The following USH2A variants were observed in gnomAD, a reference collection of about 807,000 sequenced individuals.
The protein encoded by USH2A is Usher syndrome 2A (autosomal recessive, mild).
USH2A carries 443 observed loss-of-function variants against 538.9 expected under a neutral mutation model. That is an observed-to-expected ratio of 0.82 (90% confidence interval 0.76 to 0.89). The LOEUF is 0.89. USH2A is among the 40% of genes least tolerant of loss of function. The probability of loss-of-function intolerance (pLI) is 0.00; values close to 1 mark genes in which losing one functional copy is unlikely to be tolerated. For synonymous variants in USH2A, 2,413 were observed against 2,273.5 expected (o/e 1.06, Z -1.75); for missense variants, 6,633 against 6,324.8 (o/e 1.05, Z -1.65).
At chr1:216,189,382 C>T (rs1335323481) in intron 20 of USH2A, among the ~76,000 whole-genome samples, 2 of 151,858 alleles carry the variant, frequency 1.3e-5, no homozygotes, top group African/African-American at 2.4e-5. Context: ...ATCTGTAATT[C>T]ATCTAGAGTG....
In USH2A at chr1:215,721,075, T is replaced by C. The variant is rs564517544; in HGVS notation, c.12066+6955A>G. On this transcript the variant is annotated intron_variant, in intron 61 of 71. Transcript: ENST00000307340. Reference sequence around the variant, plus strand: ...TTAATTTAGACTGGAGTTTTTGTTGTTGTTGTTGTTGTTTTTTGAGACAGG... The same window carrying C: ...TTAATTTAGACTGGAGTTTTTGTTGCTGTTGTTGTTGTTTTTTGAGACAGG... 9.9e-5 allele frequency among the ~76,000 whole-genome samples: 15 copies of C among 152,036 alleles called. No individual in the cohort carries two copies. The South Asian group carries it at 2.7e-3, about 27-fold the overall frequency.
At chr1:216,229,257 A>G (rs1266677572) in intron 14 of USH2A, among the ~76,000 whole-genome samples, 2 of 151,328 alleles carry the variant, frequency 1.3e-5, no homozygotes, top group Non-Finnish European at 2.9e-5. Flanking sequence ...TCTATTTTCT[A>G]GACTCCAACC....
intron 21 of USH2A, among the ~76,000 whole-genome samples, chr1:216,149,407 C>T (rs112656688): frequency 4.6e-5 from 7 of 152,058 alleles, no homozygotes; most frequent in African/African-American, 1.2e-4. Context: ...TTCAGTGGAA[C>T]CTTCATACCC....
At chr1:215,729,045 C>T (rs550142581) in intron 60 of USH2A, among the ~76,000 whole-genome samples, 5 of 152,234 alleles carry the variant, frequency 3.3e-5, no homozygotes, top group South Asian at 2.1e-4. Context: ...CGAGTATGCT[C>T]GTAAACTCAC....
At chr1:216,213,663 T>C (rs1305516632) in intron 15 of USH2A, among the ~76,000 whole-genome samples, 3 of 151,940 alleles carry the variant, frequency 2.0e-5, no homozygotes, top group Non-Finnish European at 4.4e-5. Flanking sequence ...TTTTTTTTTT[T>C]CACATTGAGT....
intron 58 of USH2A, among the ~76,000 whole-genome samples, chr1:215,755,393 C>T (rs1660760550): frequency 6.6e-6 from 1 of 152,094 alleles, no homozygotes; most frequent in African/African-American, 2.4e-5. Context: ...TAAACAATCT[C>T]CACTTACAAA....
At chr1:215,890,294 C>T (rs1479576981) in intron 40 of USH2A, among the ~76,000 whole-genome samples, 1 of 152,104 alleles carries the variant, frequency 6.6e-6, no homozygotes, top group Admixed American at 6.6e-5. Flanking sequence ...TTTAAAACAG[C>T]GTTGATCTTG....
At chr1:216,256,907 A>T (rs935923291) in intron 11 of USH2A, among the ~76,000 whole-genome samples, 1 of 151,972 alleles carries the variant, frequency 6.6e-6, no homozygotes, top group Non-Finnish European at 1.5e-5. Flanking sequence ...TGTGCAGGGA[A>T]TCAGTGCCCC....
chr1:216,075,440 C>CT (rs2031712766), intron 27 of USH2A, among the ~76,000 whole-genome samples: 1 of 152,210 alleles, frequency 6.6e-6, no homozygotes, highest in Non-Finnish European at 1.5e-5. Flanking sequence ...TCTTACTCCA[C>CT]TACCCTTGTG....
In USH2A at chr1:216,323,484, T is replaced by C. The variant is rs2102652890; in HGVS notation, c.1540A>G (p.Ile514Val). Reference protein sequence around the residue: ...HRYYAVDEITISGRCQCHGHA... With the variant: ...HRYYAVDEITVSGRCQCHGHA... Reference sequence around the variant, plus strand: ...AATTCATAATAATACCTCCCACTAATGGTGATTTCGTCCACTGCATAATAT... The same window carrying C: ...AATTCATAATAATACCTCCCACTAACGGTGATTTCGTCCACTGCATAATAT... The change falls in exon 8 of 72, where the codon ATT (isoleucine) becomes GTT (valine). Residue 514 changes from isoleucine (I) to valine (V), a missense_variant. Transcript: ENST00000307340. 6.2e-7 allele frequency: 1 copy of C among 1,613,332 alleles called. No homozygotes were observed. The highest frequency in any genetic ancestry group is 2.2e-5 in the East Asian group (1 of 44,784).
At position 215,758,446 on chromosome 1, in the gene USH2A, G is replaced by C. The variant is rs1660876799; in HGVS notation, c.11389+149C>G. Reference sequence around the variant, plus strand: ...ATGTACTCATGCGTCTATACACTTAGAAGTGTGGTTTAGATTTTTCTGTTC... The same window carrying C: ...ATGTACTCATGCGTCTATACACTTACAAGTGTGGTTTAGATTTTTCTGTTC... On this transcript the variant is annotated intron_variant, in intron 58 of 71. Transcript: ENST00000307340. 5.6e-6 allele frequency: 5 copies of C among 896,226 alleles called. No individual in the cohort carries two copies. The African/African-American group carries it at 8.4e-5, about 15-fold the overall frequency. 55.5% of individuals were successfully genotyped at this position (896,226 alleles called of 1,614,324 possible). A position where few individuals can be genotyped will look rare whatever the true frequency, so the allele number is the denominator to read the frequency against.
At chr1:216,260,501 A>T (rs1166164637) in intron 11 of USH2A, among the ~76,000 whole-genome samples, 3 of 152,176 alleles carry the variant, frequency 2.0e-5, no homozygotes, top group Non-Finnish European at 4.4e-5. Context: ...ACTGGCATGT[A>T]GTATACTGAT....
intron 24 of USH2A, 155 bp from the exon 25 acceptor site, chr1:216,085,032 C>A: frequency 1.5e-6 from 1 of 688,534 alleles, no homozygotes; most frequent in Non-Finnish European, 2.5e-6. Context: ...ACCACACCAT[C>A]AGCTATAGTA....
chr1:215,803,855 G>A (rs1471299615), intron 49 of USH2A, among the ~76,000 whole-genome samples: 2 of 152,066 alleles, frequency 1.3e-5, no homozygotes, highest in African/African-American at 4.8e-5. Context: ...AAAAAAGCTG[G>A]AGGCATCACG....
intron 21 of USH2A, among the ~76,000 whole-genome samples, chr1:216,147,403 C>T (rs1184408465): frequency 3.3e-5 from 5 of 152,118 alleles, no homozygotes; most frequent in Non-Finnish European, 5.9e-5. Flanking sequence ...GAGCTAAAGG[C>T]ATAGTCAAGG....
intron 4 of USH2A, among the ~76,000 whole-genome samples, chr1:216,340,101 C>A (rs764649332): frequency 6.6e-6 from 1 of 151,056 alleles, no homozygotes; most frequent in East Asian, 1.9e-4. Context: ...GCTAGCTAGA[C>A]TAATAAAGAA....
At chr1:215,693,334 T>A (rs1453371875) in intron 61 of USH2A, among the ~76,000 whole-genome samples, 1 of 151,920 alleles carries the variant, frequency 6.6e-6, no homozygotes, top group Non-Finnish European at 1.5e-5. Context: ...GTGAGCAAAG[T>A]TTTTGCTCCT....
At chr1:215,818,358 A>G (rs1031982846) in intron 47 of USH2A, among the ~76,000 whole-genome samples, 1 of 151,788 alleles carries the variant, frequency 6.6e-6, no homozygotes, top group Non-Finnish European at 1.5e-5. Context: ...TCACTAACTT[A>G]TTTAAAACAT....
Position 215,680,315 on chromosome 1 carries a change from A to G in USH2A, c.12128T>C (p.Val4043Ala). 1 of 1,614,050 alleles carries G rather than the reference A, an allele frequency of 6.2e-7. No homozygotes were observed. Among genetic ancestry groups the G allele is most frequent in the Non-Finnish European group, 8.5e-7 (1 of 1,179,984 alleles). Residue 4043 changes from valine to alanine, a missense_variant, in exon 62 of 72, where the codon GTT (valine) becomes GCT (alanine). Coordinates refer to ENST00000307340, the MANE Select transcript of USH2A (RefSeq NM_206933.4). ...LEPFTTYRIG[V>A]VAANHAGEIL... ...TTCTCCTGCATGGTTTGCAGCCACA[A>G]CACCAATGCGATATGTTGTGAATGG...
Sources: gnomAD v4.1 joint callset for allele counts (sites outside exome capture counted in the v4.1 genomes callset) on GRCh38, gnomAD v4.1.1 for gene constraint, MANE v1.5 for transcripts, NCBI Gene and HGNC (gene_info 2026-07-23, HGNC 2026-07-21) for gene names.